The following EHBP1 variants were observed in gnomAD, a reference collection of about 807,000 sequenced individuals.
EHBP1 encodes EH domain-binding protein 1.
EHBP1 carries 55 observed loss-of-function variants against 144.0 expected under a neutral mutation model. That is an observed-to-expected ratio of 0.38 (90% confidence interval 0.31 to 0.48). EHBP1 has a LOEUF of 0.48. Ranked by LOEUF, EHBP1 falls within the 20% of genes least tolerant of loss-of-function variation. The pLI is 0.98. For synonymous variants in EHBP1, 469 were observed against 472.7 expected (o/e 0.99, Z 0.10); for missense variants, 1,200 against 1,364.2 (o/e 0.88, Z 1.90).
intron 14 of EHBP1, among the ~76,000 whole-genome samples, chr2:62,975,809 G>A (rs2058682663): frequency 1.3e-5 from 2 of 151,322 alleles, no homozygotes; most frequent in African/African-American, 2.4e-5. Flanking sequence ...TGGGAGGATC[G>A]CTTGAGCCTG....
At chr2:62,720,105 A>G (rs2036079137) in intron 2 of EHBP1, among the ~76,000 whole-genome samples, 1 of 152,198 alleles carries the variant, frequency 6.6e-6, no homozygotes, top group Non-Finnish European at 1.5e-5. Flanking sequence ...TGTCTAAAAC[A>G]GGTGCTAAGT....
intron 11 of EHBP1, among the ~76,000 whole-genome samples, 174 bp from the exon 12 acceptor site, chr2:62,943,624 CATTT>C (rs1224658099): frequency 6.6e-6 from 1 of 151,942 alleles, no homozygotes; most frequent in African/African-American, 2.4e-5. Context: ...TGTTTTTATT[CATTT>C]ATTTATTTAT....
chr2:62,881,199 A>G (rs2051382780), intron 10 of EHBP1, among the ~76,000 whole-genome samples: 1 of 152,062 alleles, frequency 6.6e-6, no homozygotes, highest in African/African-American at 2.4e-5. Context: ...TTAAGTACAC[A>G]TGGACACAAA....
chr2:62,968,445 C>T (rs1455112407), intron 14 of EHBP1, among the ~76,000 whole-genome samples: 2 of 152,090 alleles, frequency 1.3e-5, no homozygotes, highest in Non-Finnish European at 2.9e-5. Context: ...TATACACATA[C>T]AGAGAGAGAC....
At chr2:62,880,832 G>C (rs2051341716) in intron 10 of EHBP1, among the ~76,000 whole-genome samples, 1 of 152,128 alleles carries the variant, frequency 6.6e-6, no homozygotes, top group Non-Finnish European at 1.5e-5. Flanking sequence ...AGCCACTATG[G>C]AAAACAGTTT....
chr2:62,874,655 C>T, intron 10 of EHBP1, 123 bp downstream of exon 10: 1 of 817,066 alleles, frequency 1.2e-6, no homozygotes, highest in Non-Finnish European at 1.9e-6. Flanking sequence ...ATATCCAAGA[C>T]AATCTATTGT....
At chr2:63,022,371 A>G (rs962080640) in intron 19 of EHBP1, among the ~76,000 whole-genome samples, 12 of 151,112 alleles carry the variant, frequency 7.9e-5, no homozygotes, top group East Asian at 3.9e-4. Flanking sequence ...CTGGAGTGCA[A>G]TGGCGCAATC....
intron 5 of EHBP1, among the ~76,000 whole-genome samples, chr2:62,824,428 A>G (rs1312338931): frequency 6.6e-6 from 1 of 152,022 alleles, no homozygotes; most frequent in Non-Finnish European, 1.5e-5. Context: ...TCAGTGTAAT[A>G]AATTGATACT....
intron 21 of EHBP1, among the ~76,000 whole-genome samples, chr2:63,042,208 G>A (rs954117969): frequency 1.4e-4 from 22 of 152,008 alleles, no homozygotes; most frequent in African/African-American, 5.3e-4. Flanking sequence ...TTGAACATGC[G>A]AATGTGAATC....
chr2:62,874,593 T>G, intron 10 of EHBP1, 61 bp downstream of exon 10: 2 of 1,392,100 alleles, frequency 1.4e-6, no homozygotes, highest in Non-Finnish European at 1.9e-6. Context: ...CCGTGCCATT[T>G]AATTTAAATT....
intron 10 of EHBP1, among the ~76,000 whole-genome samples, chr2:62,885,936 C>T (rs2051888396): frequency 1.3e-5 from 2 of 152,302 alleles, no homozygotes; most frequent in South Asian, 4.1e-4. Context: ...GAAGTCTTCA[C>T]TCATATTGTT....
chr2:62,991,698 C>T (rs2059421221), intron 16 of EHBP1, among the ~76,000 whole-genome samples: 1 of 152,168 alleles, frequency 6.6e-6, no homozygotes, highest in Non-Finnish European at 1.5e-5. Context: ...TCCCTGCTTT[C>T]CTCACAGTGA....
chr2:62,779,439 T>C (rs1398355333), intron 5 of EHBP1, among the ~76,000 whole-genome samples: 6 of 152,188 alleles, frequency 3.9e-5, no homozygotes, highest in Admixed American at 6.5e-5. Context: ...CCTTACCCTA[T>C]TGACTGCAGT....
intron 7 of EHBP1, among the ~76,000 whole-genome samples, chr2:62,843,067 C>G (rs766240703): frequency 1.3e-5 from 2 of 152,048 alleles, no homozygotes; most frequent in Non-Finnish European, 2.9e-5. Flanking sequence ...GTTTAAAATT[C>G]TCTGAATCTA....
chr2:62,953,500 G>C (rs971934686), intron 13 of EHBP1, among the ~76,000 whole-genome samples: 2 of 151,706 alleles, frequency 1.3e-5, no homozygotes, highest in South Asian at 2.1e-4. Flanking sequence ...AGTGAGCTGT[G>C]ATCATGCCAT....
intron 14 of EHBP1, among the ~76,000 whole-genome samples, chr2:62,969,125 T>C (rs2058378299): frequency 6.6e-6 from 1 of 152,202 alleles, no homozygotes; most frequent in African/African-American, 2.4e-5. Flanking sequence ...TTCTGTTAGT[T>C]CTACTAATGC....
At chr2:62,728,341 A>G (rs2037044604) in intron 2 of EHBP1, among the ~76,000 whole-genome samples, 1 of 152,248 alleles carries the variant, frequency 6.6e-6, no homozygotes, top group Non-Finnish European at 1.5e-5. Context: ...AAGTGGCCGC[A>G]TCATTTCACA....
intron 15 of EHBP1, among the ~76,000 whole-genome samples, chr2:62,986,546 C>T (rs2059198791): frequency 6.6e-6 from 1 of 151,318 alleles, no homozygotes; most frequent in South Asian, 2.1e-4. Context: ...GGTTTTAAGC[C>T]ATTCTCCTGC....
At chr2:62,820,435 A>G (rs778783282) in intron 5 of EHBP1, among the ~76,000 whole-genome samples, 6 of 151,698 alleles carry the variant, frequency 4.0e-5, no homozygotes, top group Non-Finnish European at 4.4e-5. Flanking sequence ...CATTCACAAT[A>G]TTGTATAACC....
Sources: gnomAD v4.1 joint callset for allele counts (sites outside exome capture counted in the v4.1 genomes callset) on GRCh38, gnomAD v4.1.1 for gene constraint, MANE v1.5 for transcripts, NCBI Gene and HGNC (gene_info 2026-07-23, HGNC 2026-07-21) for gene names.